CENPF: variants seen among roughly 807,000 people sequenced by gnomAD.
CENPF encodes AH antigen.
In CENPF, 214 loss-of-function variants were observed where a neutral mutation model predicts 307.3. The ratio of observed to expected loss-of-function variants is 0.70; its 90% confidence interval spans 0.62 to 0.78. CENPF has a LOEUF of 0.78. CENPF is among the 30% of genes least tolerant of loss of function. The pLI is 0.00. For missense variants in CENPF, 3,401 were observed against 3,483.9 expected (o/e 0.98, Z 0.60); for synonymous variants, 1,259 against 1,270.6 (o/e 0.99, Z 0.19).
rs749116249 is a variant in CENPF at position 214,613,738 on chromosome 1, A to G, written c.-17A>G. On this transcript the variant is annotated 5_prime_UTR_variant, in exon 2 of 20. It adds an upstream start codon to the 5' untranslated region. Coordinates refer to ENST00000366955, the MANE Select transcript of CENPF (RefSeq NM_016343.4). Reference sequence around the variant, plus strand: ...GTTTATTTACAAATGTTGGAGTAATAAAGAAGGCAGAACAAAATGAGCTGG... The same window carrying G: ...GTTTATTTACAAATGTTGGAGTAATGAAGAAGGCAGAACAAAATGAGCTGG... 4 of 1,577,764 alleles carry G rather than the reference A, an allele frequency of 2.5e-6. No individual in the cohort carries two copies. Among genetic ancestry groups the G allele is most frequent in the Non-Finnish European group, 3.4e-6 (4 of 1,164,784 alleles).
In CENPF at chr1:214,640,627, C is replaced by T. The variant is rs1249849594; in HGVS notation, c.2289C>T (p.Leu763=). The T allele has an allele frequency of 2.5e-6, 4 of 1,614,134 alleles. No homozygotes were observed. In the East Asian group the frequency reaches 6.7e-5, roughly 27 times the overall value. ...YQDLHAEYES[L]RDLLKSKDAS... is the part of the protein sequence containing the mutation. ...ACTTGCATGCCGAATATGAGAGCCT[C>T]AGGGATCTGCTAAAATCCAAAGATG... The change falls in exon 12 of 20, where the codon CTC becomes CTT. Residue 763 remains leucine (L), a synonymous_variant. Transcript: ENST00000366955.
rs370955098 is a variant in CENPF, at chr1:214,622,201, A to T, written c.988A>T (p.Ile330Phe). The T allele has an allele frequency of 7.4e-6, 12 of 1,614,128 alleles. No individual in the cohort carries two copies. The African/African-American group carries it at 1.6e-4, about 22-fold the overall frequency. ...ACTGGAGAAAGCAAAAGTGGAATTA[A>T]TTGAAAAAGAGAAAGTTTTGAACAA... ...LQLEKAKVEL[I>F]EKEKVLNKCR... The change falls in exon 7 of 20, where the codon ATT (isoleucine) becomes TTT (phenylalanine). Residue 330 changes from isoleucine (I) to phenylalanine (F), a missense_variant. Ile to Phe is a conservative substitution (Grantham distance 21, BLOSUM62 0). Transcript: ENST00000366955.
chr1:214,629,306 A>G (rs1657741489), intron 8 of CENPF, 135 bp downstream of exon 8: 1 of 810,614 alleles, frequency 1.2e-6, no homozygotes, highest in Non-Finnish European at 1.8e-6. Flanking sequence ...TGTGAGCTAA[A>G]GGTCATCTTA....
chr1:214,653,323 A>G (rs1416820848), intron 16 of CENPF, among the ~76,000 whole-genome samples: 2 of 152,124 alleles, frequency 1.3e-5, no homozygotes, highest in South Asian at 4.1e-4. Context: ...GGCAATTCCA[A>G]AATCTTGAAT....
chr1:214,634,670 C>T (rs536728156), intron 10 of CENPF, among the ~76,000 whole-genome samples: 1 of 152,334 alleles, frequency 6.6e-6, no homozygotes, highest in South Asian at 2.1e-4. Context: ...TCATCACTGC[C>T]ATGACCTTTT....
At chr1:214,605,660 C>G (rs191490984) in intron 1 of CENPF, 9 of 1,562,994 alleles carry the variant, frequency 5.8e-6, no homozygotes, top group Admixed American at 1.8e-5. Context: ...GAGGTCTGGC[C>G]GGTTGGTGCC....
intron 1 of CENPF, chr1:214,608,219 G>A (rs966524590): frequency 3.5e-5 from 45 of 1,301,636 alleles, no homozygotes; most frequent in Admixed American, 1.1e-4. Context: ...CTGCAGAGCC[G>A]CCCACCTTCC....
In CENPF at chr1:214,659,273, C is replaced by A. The variant is rs1045701338; in HGVS notation, c.9141+245C>A. ...AGTTTGATGGAAAATGGCATTGTTA[C>A]ATCAAAACTCAGTGGATTTCTAAGA... On this transcript the variant is annotated intron_variant, in intron 19 of 19. Coordinates refer to ENST00000366955, the MANE Select transcript of CENPF (RefSeq NM_016343.4). The surrounding 1 kb of genome is among the most constrained non-coding windows in gnomAD (Gnocchi z 4.4). 6.6e-6 allele frequency among the ~76,000 whole-genome samples: 1 copy of A among 152,064 alleles called. No homozygotes were observed. Among genetic ancestry groups the A allele is most frequent in the Non-Finnish European group, 1.5e-5 (1 of 68,002 alleles).
At position 214,642,188 on chromosome 1, in the gene CENPF, A is replaced by G; in HGVS notation, c.3850A>G (p.Asn1284Asp). The G allele has an allele frequency of 6.2e-7, 1 of 1,614,182 alleles. No individual in the cohort carries two copies. Among genetic ancestry groups the G allele is most frequent in the Non-Finnish European group, 8.5e-7 (1 of 1,180,034 alleles). Residue 1284 changes from asparagine (N) to aspartate (D), a missense_variant, in exon 12 of 20, where the codon AAC (asparagine) becomes GAC (aspartate). Coordinates refer to ENST00000366955, the MANE Select transcript of CENPF (RefSeq NM_016343.4). ...GCCTCATGAGTTGTCAACAAGTCAA[A>G]ACGACAATGCACACCTTCAGTGCTC... Reference protein sequence around the residue: ...SGPHELSTSQNDNAHLQCSLQ... With the variant: ...SGPHELSTSQDDNAHLQCSLQ...
chr1:214,608,418 G>C lies in CENPF; in HGVS notation c.-42+5097G>C, dbSNP rs1553283686. On this transcript the variant is annotated intron_variant, in intron 1 of 19. Transcript: ENST00000366955. ...AGCCGGAGTAGTCGTAGGAGAAGAT[G>C]TTGCAATGGAGGCGGGAGCCCAGGC... is the stretch of plus-strand genomic sequence containing the variant. 67 of 1,613,486 alleles carry C rather than the reference G, an allele frequency of 4.2e-5. 3 individuals carry two copies. In the South Asian group the frequency reaches 6.8e-4, roughly 16 times the overall value.
At chr1:214,632,438 A>G (rs747339438) in intron 9 of CENPF, 42 bp from the exon 10 acceptor site, 1 of 1,593,076 alleles carries the variant, frequency 6.3e-7, no homozygotes, top group South Asian at 1.1e-5. Flanking sequence ...TGAAAAAGTA[A>G]AGAACATGAA....
intron 7 of CENPF, among the ~76,000 whole-genome samples, chr1:214,628,636 G>A (rs745464788): frequency 1.4e-4 from 22 of 152,260 alleles, no homozygotes; most frequent in Middle Eastern, 3.4e-3. Flanking sequence ...TAGAGACGGC[G>A]TTTCACCATG....
rs770701600 is a variant in CENPF, at chr1:214,646,121, T to G, written c.6551T>G (p.Val2184Gly). 1 of 1,613,778 alleles carries G rather than the reference T, an allele frequency of 6.2e-7. No individual in the cohort carries two copies. Among genetic ancestry groups the G allele is most frequent in the African/African-American group, 1.3e-5 (1 of 74,854 alleles). The stretch of plus-strand genomic sequence containing the variant: ...GATGCCGAGAATTCCAAAGCAGAAG[T>G]AGAGACTCTAAAAACACAAATAGAA... ...ILDAENSKAE[V>G]ETLKTQIEEM... The change falls in exon 13 of 20, where the codon GTA becomes GGA. Residue 2184 changes from valine to glycine, a missense_variant. Transcript: ENST00000366955.
intron 13 of CENPF, 134 bp downstream of exon 13, chr1:214,647,534 A>G (rs1462972768): frequency 4.0e-6 from 4 of 998,518 alleles, no homozygotes; most frequent in Non-Finnish European, 5.6e-6. Context: ...TAAAGGCTTT[A>G]TGTTTACTGG....
At chr1:214,657,892 G>A (rs557214788) in intron 18 of CENPF, among the ~76,000 whole-genome samples, 1 of 152,194 alleles carries the variant, frequency 6.6e-6, no homozygotes, top group South Asian at 2.1e-4. Context: ...GTTTGTTATT[G>A]GTTCCCAACT....
chr1:214,648,869 C>T (rs1201438684), intron 14 of CENPF, 42 bp downstream of exon 14: 1 of 1,583,254 alleles, frequency 6.3e-7, no homozygotes, highest in African/African-American at 1.3e-5. Flanking sequence ...TCTGTTAATT[C>T]ATTGTGCACA....
chr1:214,620,662 G>C lies in CENPF; in HGVS notation c.581G>C (p.Ser194Thr). 2 of 1,612,412 alleles carry C rather than the reference G, an allele frequency of 1.2e-6. No individual in the cohort carries two copies. Among genetic ancestry groups the C allele is most frequent in the Non-Finnish European group, 1.7e-6 (2 of 1,179,354 alleles). The change falls in exon 6 of 20, where the codon AGC (serine) becomes ACC (threonine). Residue 194 changes from serine (S) to threonine (T), a missense_variant. Ser to Thr is a moderately conservative substitution (Grantham distance 58, BLOSUM62 1). Coordinates refer to ENST00000366955, the MANE Select transcript of CENPF (RefSeq NM_016343.4). ...EVKALQAKKA[S>T]QTLPQATMNH... is the part of the protein sequence containing the mutation. ...GAGATTCTGTTTCTACAGAAAGCAA[G>C]CCAGACTCTTCCACAAGCCACCATG...
chr1:214,661,063 C>A (rs926199885), intron 19 of CENPF, among the ~76,000 whole-genome samples: 5 of 152,192 alleles, frequency 3.3e-5, no homozygotes, highest in African/African-American at 1.2e-4. Flanking sequence ...TTCAGACTTA[C>A]TATCTAGGAA....
rs1205038239 is a variant in CENPF at position 214,642,044 on chromosome 1, C to T, written c.3706C>T (p.His1236Tyr). The T allele has an allele frequency of 1.2e-6, 2 of 1,610,106 alleles. No homozygotes were observed. Among genetic ancestry groups the T allele is most frequent in the Non-Finnish European group, 1.7e-6 (2 of 1,179,064 alleles). The stretch of plus-strand genomic sequence containing the variant: ...TGAGAAGGAGAAGGAGTGCCTGCAG[C>T]ATGAATTACAGACAATTAGAGGAGA... ...ESEKEKECLQHELQTIRGDLE... is the reference protein window; with the variant it reads ...ESEKEKECLQYELQTIRGDLE... The change falls in exon 12 of 20, where the codon CAT becomes TAT. Residue 1236 changes from histidine (H) to tyrosine (Y), a missense_variant. Physicochemically the swap from His to Tyr is moderately conservative, Grantham distance 83 (BLOSUM62 2). Transcript: ENST00000366955.
Sources: gnomAD v4.1 joint callset for allele counts (sites outside exome capture counted in the v4.1 genomes callset) on GRCh38, gnomAD v4.1.1 for gene constraint, Gnocchi (gnomAD v3.1) non-coding constraint, MANE v1.5 for transcripts, NCBI Gene and HGNC (gene_info 2026-07-23, HGNC 2026-07-21) for gene names.